Variants in IQCM observed in about 807,000 individuals in gnomAD.
IQCM encodes the protein IQ motif containing M, also known as IQ domain-containing protein M.
IQCM carries 45 observed loss-of-function variants against 57.6 expected under a neutral mutation model. That is an observed-to-expected ratio of 0.78 (90% CI 0.62 to 1.00). IQCM has a LOEUF of 1.00. Ranked by LOEUF, IQCM falls within the 50% of genes least tolerant of loss-of-function variation. The pLI, the probability that IQCM is intolerant of heterozygous loss-of-function variation, is 0.00. For synonymous variants in IQCM, 148 were observed against 158.9 expected, an observed-to-expected ratio of 0.93 and a Z score of 0.51; for missense variants, 468 against 511.6, an observed-to-expected ratio of 0.91 and a Z score of 0.82.
At chr4:149,671,402 A>G (rs1337518277) in intron 7 of IQCM, among the ~76,000 whole-genome samples, 2 of 151,912 alleles carry the variant, frequency 1.3e-5, no homozygotes, top group Admixed American at 1.3e-4. Flanking sequence ...CTGTCTATCA[A>G]TTGTGTTGAT....
chr4:149,472,928 A>T (rs1364783019), intron 12 of IQCM, among the ~76,000 whole-genome samples: 9 of 152,228 alleles, frequency 5.9e-5, no homozygotes, highest in Non-Finnish European at 1.0e-4. Context: ...ATATGTAGAC[A>T]GCTGAAACTG....
At chr4:149,593,691 C>T (rs1451439528) in intron 8 of IQCM, among the ~76,000 whole-genome samples, 1 of 152,022 alleles carries the variant, frequency 6.6e-6, no homozygotes, top group Admixed American at 6.6e-5. Flanking sequence ...TGTCGATGGC[C>T]TTTTCTGCAT....
At chr4:149,432,022 G>GTA (rs1409707918) in intron 13 of IQCM, among the ~76,000 whole-genome samples, 3 of 150,914 alleles carry the variant, frequency 2.0e-5, no homozygotes, top group Admixed American at 1.3e-4. Flanking sequence ...TATATATTGT[G>GTA]TATATATATG....
chr4:149,781,452 C>A (rs1771596101), intron 2 of IQCM, among the ~76,000 whole-genome samples: 1 of 152,090 alleles, frequency 6.6e-6, no homozygotes, highest in South Asian at 2.1e-4. Context: ...TAATAGCCAT[C>A]TCATTTATCA....
At chr4:149,517,810 C>T (rs539972176) in intron 12 of IQCM, among the ~76,000 whole-genome samples, 2 of 152,264 alleles carry the variant, frequency 1.3e-5, no homozygotes, top group East Asian at 3.9e-4. Context: ...TTGTCCTGTG[C>T]TGGATGCTTC....
chr4:149,364,426 G>A (rs894570722), intron 13 of IQCM, among the ~76,000 whole-genome samples: 1 of 152,154 alleles, frequency 6.6e-6, no homozygotes, highest in South Asian at 2.1e-4. Context: ...CTGGCTGACC[G>A]GAAAAGATCT....
At chr4:149,504,861 T>C (rs1356398550) in intron 12 of IQCM, among the ~76,000 whole-genome samples, 1 of 152,008 alleles carries the variant, frequency 6.6e-6, no homozygotes, top group African/African-American at 2.4e-5. Context: ...TGCAGTGAGC[T>C]GAGATCGTGT....
chr4:149,486,021 C>G (rs944269155), intron 12 of IQCM, among the ~76,000 whole-genome samples: 78 of 35,524 alleles, frequency 2.2e-3, no homozygotes, highest in Non-Finnish European at 3.3e-3. Context: ...AACAGAGTCT[C>G]TCTCTCTCTC....
In IQCM at chr4:149,587,911, T is replaced by A. The variant is rs373492052; in HGVS notation, c.749+19A>T. The A allele has an allele frequency of 2.6e-6, 3 of 1,153,336 alleles. No individual in the cohort carries two copies. The allele number at this position is 1,153,336 out of a possible 1,614,324, so 71.4% of individuals were successfully genotyped here. On this transcript the variant is annotated intron_variant, in intron 9 of 13. Transcript: ENST00000636793. Reference sequence around the variant, plus strand: ...ATGAGTGCATTAATTTACACTTTTCTATTATATAAAAGATATACCTGGGTT... The same window carrying A: ...ATGAGTGCATTAATTTACACTTTTCAATTATATAAAAGATATACCTGGGTT...
chr4:149,668,865 C>G (rs1282287048), intron 7 of IQCM, among the ~76,000 whole-genome samples: 1 of 151,914 alleles, frequency 6.6e-6, no homozygotes, highest in Non-Finnish European at 1.5e-5. Flanking sequence ...GTTGAGAGTA[C>G]TTCAGCAAAA....
intron 2 of IQCM, among the ~76,000 whole-genome samples, chr4:149,770,138 G>A (rs930154900): frequency 3.9e-5 from 6 of 152,080 alleles, no homozygotes; most frequent in Admixed American, 3.3e-4. Context: ...AAAAAAGGGG[G>A]CATTGCTACA....
chr4:149,469,837 G>T (rs1295140875), intron 12 of IQCM, among the ~76,000 whole-genome samples: 1 of 152,162 alleles, frequency 6.6e-6, no homozygotes, highest in Non-Finnish European at 1.5e-5. Flanking sequence ...TTAAAGAAAA[G>T]AATTTTCAAC....
intron 8 of IQCM, among the ~76,000 whole-genome samples, chr4:149,607,877 A>C (rs987067952): frequency 2.6e-5 from 4 of 151,916 alleles, no homozygotes; most frequent in African/African-American, 9.7e-5. Flanking sequence ...GGAGGGAGGG[A>C]AAAAGGAGAC....
chr4:149,625,405 G>A lies in IQCM; in HGVS notation c.566-4161C>T, dbSNP rs530562047. Among the ~76,000 whole-genome samples, 6 of 152,298 alleles carry A rather than the reference G, an allele frequency of 3.9e-5. No homozygotes were observed. The South Asian group carries it at 1.2e-3, about 32-fold the overall frequency. ...ACCCATTGGAAGTGTTCATGGAGGAGACATCCCTATAACAAAGACTGATTA... is the reference window on the plus strand; with the variant it reads ...ACCCATTGGAAGTGTTCATGGAGGAAACATCCCTATAACAAAGACTGATTA... On this transcript the variant is annotated intron_variant, in intron 7 of 13. Coordinates refer to ENST00000636793, the MANE Select transcript of IQCM (RefSeq NM_001363507.2).
At chr4:149,807,612 C>T (rs532237270) in intron 2 of IQCM, among the ~76,000 whole-genome samples, 28 of 151,494 alleles carry the variant, frequency 1.8e-4, no homozygotes, top group South Asian at 6.3e-4. Context: ...GGTTTCTGCA[C>T]GCAAAGGAAA....
rs2150076471 is a variant in IQCM, at chr4:149,815,799, T to G, written c.-286A>C. 6.6e-6 allele frequency: 1 copy of G among 152,120 alleles called. No homozygotes were observed. The highest frequency in any genetic ancestry group is 1.5e-5 in the Non-Finnish European group (1 of 67,882). 9.4% of individuals were successfully genotyped at this position (152,120 alleles called of 1,614,324 possible). The stretch of plus-strand genomic sequence containing the variant: ...ATATTTCAAATAGATTCCTAAATCC[T>G]GCCAATCTTCTGATTGCTTCTTCTC... On this transcript the variant is annotated 5_prime_UTR_variant, in exon 1 of 14. Coordinates refer to ENST00000636793, the MANE Select transcript of IQCM (RefSeq NM_001363507.2).
intron 12 of IQCM, among the ~76,000 whole-genome samples, chr4:149,546,798 T>C (rs1748484800): frequency 2.0e-5 from 3 of 152,232 alleles, no homozygotes; most frequent in Non-Finnish European, 4.4e-5. Context: ...GTAGTTTCTT[T>C]TGCTGTGCAG....
chr4:149,383,959 AAAG>A (rs1180166644), intron 13 of IQCM, among the ~76,000 whole-genome samples: 1 of 152,128 alleles, frequency 6.6e-6, no homozygotes, highest in Non-Finnish European at 1.5e-5. Context: ...ATCTCAAAAA[AAAG>A]AAGAATATTC....
At chr4:149,358,168 C>T (rs1382822298) in intron 13 of IQCM, among the ~76,000 whole-genome samples, 5 of 152,068 alleles carry the variant, frequency 3.3e-5, no homozygotes, top group Non-Finnish European at 1.5e-5. Flanking sequence ...AGCGGTCTAT[C>T]AATTTTGTTG....
Sources: gnomAD v4.1 joint callset for allele counts (sites outside exome capture counted in the v4.1 genomes callset) on GRCh38, gnomAD v4.1.1 for gene constraint, MANE v1.5 for transcripts, NCBI Gene and HGNC (gene_info 2026-07-23, HGNC 2026-07-21) for gene names.